The following SLC35F1 variants were observed in gnomAD, a reference collection of about 807,000 sequenced individuals.
The protein encoded by SLC35F1 is solute carrier family 35 member F1.
SLC35F1 carries 14 observed loss-of-function variants against 48.7 expected under a neutral mutation model. The observed-to-expected ratio is 0.29, with a 90% confidence interval of 0.19 to 0.45. SLC35F1 has a LOEUF of 0.45. SLC35F1 is among the 20% of genes least tolerant of loss of function. The pLI, the probability that SLC35F1 is intolerant of heterozygous loss-of-function variation, is 1.00. For missense variants in SLC35F1, 404 were observed against 500.0 expected, an observed-to-expected ratio of 0.81 and a Z score of 1.83; for synonymous variants, 190 against 202.2, an observed-to-expected ratio of 0.94 and a Z score of 0.51.
intron 7 of SLC35F1, among the ~76,000 whole-genome samples, chr6:118,298,559 A>T (rs1776219859): frequency 3.9e-5 from 6 of 152,140 alleles, no homozygotes; most frequent in Admixed American, 3.9e-4. Context: ...TCTATTCCTG[A>T]CAATAGTTTC....
At chr6:118,027,252 T>G (rs1041983920) in intron 1 of SLC35F1, among the ~76,000 whole-genome samples, 1 of 152,160 alleles carries the variant, frequency 6.6e-6, no homozygotes, top group Non-Finnish European at 1.5e-5. Context: ...CTATAAACAT[T>G]CATGTGCAGG....
chr6:118,241,232 A>G (rs933322037), intron 3 of SLC35F1, among the ~76,000 whole-genome samples: 2 of 152,208 alleles, frequency 1.3e-5, no homozygotes, highest in African/African-American at 2.4e-5. Context: ...AGATTTCATT[A>G]ATAATTGGCA....
chr6:118,066,700 A>T (rs1772618964), intron 1 of SLC35F1, among the ~76,000 whole-genome samples: 2 of 151,260 alleles, frequency 1.3e-5, no homozygotes, highest in African/African-American at 4.9e-5. Flanking sequence ...CAAGGAATAG[A>T]GTTCAGGTCA....
At chr6:118,140,755 C>T (rs1392115151) in intron 1 of SLC35F1, among the ~76,000 whole-genome samples, 1 of 152,050 alleles carries the variant, frequency 6.6e-6, no homozygotes. Flanking sequence ...AAGGGGAAGA[C>T]AGTGATATTG....
chr6:118,108,896 A>G (rs1773359947), intron 1 of SLC35F1, among the ~76,000 whole-genome samples: 1 of 152,160 alleles, frequency 6.6e-6, no homozygotes, highest in Non-Finnish European at 1.5e-5. Context: ...AAATTGCAAT[A>G]CTTATTGCTT....
At chr6:118,218,086 C>T (rs751207056) in intron 2 of SLC35F1, among the ~76,000 whole-genome samples, 1 of 152,114 alleles carries the variant, frequency 6.6e-6, no homozygotes. Context: ...TCAGTTATAA[C>T]ATACCATGGA....
At chr6:117,923,646 C>CATATATACATATGTGTATATGCAT (rs1178826026) in intron 1 of SLC35F1, among the ~76,000 whole-genome samples, 1 of 102,012 alleles carries the variant, frequency 9.8e-6, no homozygotes, top group Non-Finnish European at 1.9e-5. Flanking sequence ...TACATATGTA[C>CATATATACATATGTGTATATGCAT]ATATGTACAT....
chr6:118,144,656 G>A (rs1319835349), intron 1 of SLC35F1, among the ~76,000 whole-genome samples: 2 of 149,092 alleles, frequency 1.3e-5, no homozygotes, highest in African/African-American at 4.9e-5. Flanking sequence ...TCTAAAGTAA[G>A]AGTTCACATC....
At chr6:117,935,217 C>A (rs562283086) in intron 1 of SLC35F1, among the ~76,000 whole-genome samples, 1 of 152,330 alleles carries the variant, frequency 6.6e-6, no homozygotes, top group Non-Finnish European at 1.5e-5. Flanking sequence ...GATTTCTACT[C>A]TCATACAGCC....
chr6:118,296,124 T>A (rs911388093), intron 7 of SLC35F1, among the ~76,000 whole-genome samples: 4 of 152,222 alleles, frequency 2.6e-5, no homozygotes, highest in Non-Finnish European at 5.9e-5. Flanking sequence ...AGCCACCCCC[T>A]ATTTTAGTAA....
At chr6:117,923,651 G>GTATATATGTACATATGTACATATA (rs1554216680) in intron 1 of SLC35F1, among the ~76,000 whole-genome samples, 1 of 17,502 alleles carries the variant, frequency 5.7e-5, no homozygotes, top group African/African-American at 4.6e-4. Flanking sequence ...ATGTACATAT[G>GTATATATGTACATATGTACATATA]TACATATGTA....
intron 1 of SLC35F1, among the ~76,000 whole-genome samples, chr6:118,120,994 T>C (rs1773545277): frequency 6.6e-6 from 1 of 152,038 alleles, no homozygotes; most frequent in South Asian, 2.1e-4. Flanking sequence ...CTATCAGAAA[T>C]ATATATATTT....
intron 1 of SLC35F1, among the ~76,000 whole-genome samples, chr6:118,123,272 C>G (rs1773578884): frequency 6.6e-6 from 1 of 152,148 alleles, no homozygotes; most frequent in African/African-American, 2.4e-5. Flanking sequence ...GGAAAACAGT[C>G]TCACTTTTGC....
At chr6:117,947,669 A>G (rs1776311871) in intron 1 of SLC35F1, among the ~76,000 whole-genome samples, 1 of 152,174 alleles carries the variant, frequency 6.6e-6, no homozygotes, top group East Asian at 1.9e-4. Context: ...GTATGAGACA[A>G]GAAGTGTTAA....
chr6:117,973,110 G>C (rs1209640604), intron 1 of SLC35F1, among the ~76,000 whole-genome samples: 1 of 152,102 alleles, frequency 6.6e-6, no homozygotes, highest in Non-Finnish European at 1.5e-5. Context: ...CCAAGATCAA[G>C]GTGTCAGTGG....
intron 1 of SLC35F1, among the ~76,000 whole-genome samples, chr6:117,909,284 T>A (rs1193645944): frequency 6.6e-6 from 1 of 152,198 alleles, no homozygotes; most frequent in Non-Finnish European, 1.5e-5. Context: ...TTTTTATGAA[T>A]ACCTGTGAGT....
At chr6:117,967,241 G>A (rs939625134) in intron 1 of SLC35F1, among the ~76,000 whole-genome samples, 1 of 151,628 alleles carries the variant, frequency 6.6e-6, no homozygotes, top group African/African-American at 2.4e-5. Flanking sequence ...TACAAAGCAT[G>A]GGAAACAACT....
intron 2 of SLC35F1, among the ~76,000 whole-genome samples, chr6:118,204,017 A>G (rs1774902729): frequency 6.6e-6 from 1 of 151,902 alleles, no homozygotes; most frequent in African/African-American, 2.4e-5. Flanking sequence ...GAAATAAACT[A>G]GGAGGTAATA....
At chr6:118,153,879 G>T (rs565458079) in intron 1 of SLC35F1, among the ~76,000 whole-genome samples, 1 of 152,266 alleles carries the variant, frequency 6.6e-6, no homozygotes, top group South Asian at 2.1e-4. Flanking sequence ...TCTAGAGTCT[G>T]GGAATGGACA....
Sources: allele counts gnomAD v4.1 joint callset (sites outside exome capture counted in the v4.1 genomes callset), GRCh38; gene constraint gnomAD v4.1.1; transcripts MANE v1.5; gene names NCBI Gene and HGNC (gene_info 2026-07-23, HGNC 2026-07-21).